Variants in SLC5A4 observed in about 807,000 individuals in gnomAD.
The protein encoded by SLC5A4 is solute carrier family 5 member 4, also known as probable glucose sensor protein SLC5A4.
SLC5A4 carries 55 observed loss-of-function variants against 70.3 expected under a neutral mutation model. The ratio of observed to expected loss-of-function variants is 0.78; its 90% CI spans 0.63 to 0.98. The LOEUF is 0.98. Among genes scored for constraint, SLC5A4 ranks in the 50% least tolerant of loss-of-function variants. The pLI, the probability that SLC5A4 is intolerant of heterozygous loss-of-function variation, is 0.00. For missense variants in SLC5A4, 735 were observed against 839.2 expected (o/e 0.88, Z 1.53); for synonymous variants, 268 against 305.7 (o/e 0.88, Z 1.29).
At chr22:32,236,149 A>T (rs1228283705) in intron 7 of SLC5A4, among the ~76,000 whole-genome samples, 2 of 152,226 alleles carry the variant, frequency 1.3e-5, no homozygotes. Flanking sequence ...GAAAGTACAC[A>T]AAGAATTGGT....
chr22:32,332,044 G>C, the SLC5A4 span, among the ~76,000 whole-genome samples: 4 of 151,826 alleles, frequency 2.6e-5, no homozygotes, highest in African/African-American at 9.7e-5. Context: ...CCCACCCCAG[G>C]CCCTGGCCAA....
chr22:32,304,998 G>GTTGCT, the SLC5A4 span, among the ~76,000 whole-genome samples: 1 of 152,010 alleles, frequency 6.6e-6, no homozygotes, highest in Non-Finnish European at 1.5e-5. Context: ...CCTCCATTCT[G>GTTGCT]TTGCTTTTGC....
chr22:32,275,990 T>C, the SLC5A4 span, among the ~76,000 whole-genome samples: 1 of 152,252 alleles, frequency 6.6e-6, no homozygotes, highest in East Asian at 1.9e-4. Context: ...TTTTTTCACG[T>C]GTCTTTTGGC....
chr22:32,342,239 G>A, the SLC5A4 span, among the ~76,000 whole-genome samples: 1 of 152,230 alleles, frequency 6.6e-6, no homozygotes, highest in African/African-American at 2.4e-5. Context: ...TCTTCCTTTT[G>A]ATTTCAAAGA....
At chr22:32,333,203 C>CT in the SLC5A4 span, among the ~76,000 whole-genome samples, 7 of 149,002 alleles carry the variant, frequency 4.7e-5, no homozygotes, top group African/African-American at 1.7e-4. Context: ...GGCACCCCCC[C>CT]CCCAGAAGAC....
chr22:32,281,908 A>T, the SLC5A4 span, among the ~76,000 whole-genome samples: 116 of 152,128 alleles, frequency 7.6e-4, no homozygotes, highest in Non-Finnish European at 1.5e-3. Flanking sequence ...CAGTGGCACG[A>T]TCTTGGCTCA....
chr22:32,303,833 G>A, the SLC5A4 span, among the ~76,000 whole-genome samples: 1 of 152,184 alleles, frequency 6.6e-6, no homozygotes, highest in African/African-American at 2.4e-5. Flanking sequence ...TGTGAATGCT[G>A]AGTCGGATGG....
At chr22:32,340,149 G>A in the SLC5A4 span, among the ~76,000 whole-genome samples, 11 of 152,070 alleles carry the variant, frequency 7.2e-5, no homozygotes, top group South Asian at 1.9e-3. Context: ...GAGCCTCCTC[G>A]GTGTCTCCTT....
chr22:32,242,513 G>A (rs1337626849), intron 5 of SLC5A4, among the ~76,000 whole-genome samples: 1 of 152,126 alleles, frequency 6.6e-6, no homozygotes, highest in African/African-American at 2.4e-5. Flanking sequence ...TTCGAGACCA[G>A]CCTGACAAGC....
chr22:32,333,813 TCACA>T, the SLC5A4 span, among the ~76,000 whole-genome samples: 6 of 142,254 alleles, frequency 4.2e-5, no homozygotes, highest in East Asian at 4.3e-4. Context: ...CCACACAATA[TCACA>T]CACACACACC....
chr22:32,292,945 G>A, the SLC5A4 span, among the ~76,000 whole-genome samples: 1 of 152,060 alleles, frequency 6.6e-6, no homozygotes, highest in Non-Finnish European at 1.5e-5. Context: ...ATATTTTGAG[G>A]TTATGTGTCA....
At chr22:32,336,752 G>T in the SLC5A4 span, among the ~76,000 whole-genome samples, 1 of 152,200 alleles carries the variant, frequency 6.6e-6, no homozygotes, top group Non-Finnish European at 1.5e-5. Flanking sequence ...TCACCCTTTG[G>T]CTGAAGACAT....
chr22:32,315,889 C>T, the SLC5A4 span, among the ~76,000 whole-genome samples: 9 of 151,326 alleles, frequency 5.9e-5, no homozygotes, highest in African/African-American at 2.2e-4. Flanking sequence ...ATGGGCAGGG[C>T]CGGGCATGGT....
At chr22:32,266,445 T>C in the SLC5A4 span, among the ~76,000 whole-genome samples, 1 of 152,226 alleles carries the variant, frequency 6.6e-6, no homozygotes, top group Non-Finnish European at 1.5e-5. Context: ...ATGTCTGCAA[T>C]AGTCATGCAA....
the SLC5A4 span, among the ~76,000 whole-genome samples, chr22:32,267,519 C>T: frequency 2.6e-5 from 4 of 152,322 alleles, no homozygotes; most frequent in South Asian, 6.2e-4. Context: ...CCCTCCATCA[C>T]CCAGGCTGGA....
At chr22:32,302,232 T>C in the SLC5A4 span, among the ~76,000 whole-genome samples, 1 of 147,108 alleles carries the variant, frequency 6.8e-6, no homozygotes, top group Non-Finnish European at 1.5e-5. Flanking sequence ...TTTTGTCTTT[T>C]ACTGTTTACT....
At chr22:32,310,055 G>C in the SLC5A4 span, among the ~76,000 whole-genome samples, 50 of 149,232 alleles carry the variant, frequency 3.4e-4, no homozygotes, top group Non-Finnish European at 6.7e-4. Context: ...GCAGCGGGGT[G>C]GGGAGGGGGG....
intron 11 of SLC5A4, among the ~76,000 whole-genome samples, chr22:32,228,474 G>A (rs1424788655): frequency 2.0e-5 from 3 of 151,870 alleles, no homozygotes; most frequent in African/African-American, 7.3e-5. Context: ...CCCGGGAGGC[G>A]GCGGTTCCAG....
At chr22:32,313,305 C>G in the SLC5A4 span, among the ~76,000 whole-genome samples, 2 of 152,116 alleles carry the variant, frequency 1.3e-5, no homozygotes, top group African/African-American at 4.8e-5. Context: ...ACTTGTTGTT[C>G]TGACATAATT....
Sources: allele counts gnomAD v4.1 joint callset (sites outside exome capture counted in the v4.1 genomes callset), GRCh38; gene constraint gnomAD v4.1.1; transcripts MANE v1.5; gene names NCBI Gene and HGNC (gene_info 2026-07-23, HGNC 2026-07-21).